The following SMCHD1 variants were observed in gnomAD, a reference collection of about 807,000 sequenced individuals.
The protein encoded by SMCHD1 is structural maintenance of chromosomes flexible hinge domain containing 1.
SMCHD1 carries 78 observed loss-of-function variants against 254.7 expected under a neutral mutation model. The ratio of observed to expected loss-of-function variants is 0.31; its 90% CI spans 0.26 to 0.37. The LOEUF (loss-of-function observed/expected upper bound fraction) is 0.37, where lower values mean the gene tolerates loss of function less well. Ranked by LOEUF, SMCHD1 falls within the 10% of genes least tolerant of loss-of-function variation. The probability of loss-of-function intolerance (pLI) is 1.00; values close to 1 mark genes in which losing one functional copy is unlikely to be tolerated. For missense variants in SMCHD1, 1,840 were observed against 2,408.1 expected (o/e 0.76, Z 4.94); for synonymous variants, 766 against 794.9 (o/e 0.96, Z 0.61).
At chr18:2,779,573 G>A (rs1410784749) in intron 44 of SMCHD1, among the ~76,000 whole-genome samples, 4 of 152,178 alleles carry the variant, frequency 2.6e-5, no homozygotes, top group Non-Finnish European at 4.4e-5. Flanking sequence ...TGTAAATAGT[G>A]TATTCTAGAA....
chr18:2,777,070 C>T (rs377296359), intron 42 of SMCHD1, among the ~76,000 whole-genome samples: 1 of 148,964 alleles, frequency 6.7e-6, no homozygotes, highest in Non-Finnish European at 1.5e-5. Flanking sequence ...CCTCCCCCCC[C>T]CATACCCTAA....
chr18:2,720,752 T>C (rs1312843811), intron 19 of SMCHD1, among the ~76,000 whole-genome samples: 1 of 152,172 alleles, frequency 6.6e-6, no homozygotes, highest in Admixed American at 6.5e-5. Flanking sequence ...ATAAACACTT[T>C]CCTATTTTCA....
rs748973939 is a variant in SMCHD1, at chr18:2,697,016, T to C, written c.1041-16T>C. The C allele has an allele frequency of 2.8e-6, 3 of 1,088,344 alleles. No homozygotes were observed. The highest frequency in any genetic ancestry group is 6.2e-5 in the Admixed American group (2 of 32,018). 67.4% of individuals were successfully genotyped at this position (1,088,344 alleles called of 1,614,324 possible). A position where few individuals can be genotyped will look rare whatever the true frequency, so the allele number is the denominator to read the frequency against. ...TATGTGAATTAAAAGTATAAAATTA[T>C]TCTTCTCTATTTTAGGCATATTTAT... On this transcript the variant is annotated splice_polypyrimidine_tract_variant and intron_variant, in intron 8 of 47. Coordinates refer to ENST00000320876, the MANE Select transcript of SMCHD1 (RefSeq NM_015295.3).
intron 1 of SMCHD1, among the ~76,000 whole-genome samples, chr18:2,663,859 C>T (rs887489904): frequency 5.3e-5 from 8 of 152,004 alleles, no homozygotes; most frequent in Non-Finnish European, 7.4e-5. Flanking sequence ...GGACTACAGG[C>T]GCCTGCCACC....
At chr18:2,796,581 T>G (rs574475528) in intron 47 of SMCHD1, 60 bp downstream of exon 47, 1 of 1,110,786 alleles carries the variant, frequency 9.0e-7, no homozygotes, top group Non-Finnish European at 1.3e-6. Flanking sequence ...TTGGGTCTCA[T>G]GATAGCTTTG....
rs537743381 is a variant in SMCHD1, at chr18:2,799,501, C to T, written c.5993+2980C>T. On this transcript the variant is annotated intron_variant, in intron 47 of 47. Transcript: ENST00000320876. ...ATTTTTAGTTACTCTATTGTTGCCT[C>T]CACTTTTAAAAGTTACATTATTATG... is the stretch of plus-strand genomic sequence containing the variant. Among the ~76,000 whole-genome samples the T allele has an allele frequency of 8.1e-4, 123 of 152,266 alleles. 1 individual carries two copies. Among genetic ancestry groups the T allele is most frequent in the African/African-American group, 2.4e-3 (101 of 41,556 alleles).
At chr18:2,739,026 C>G (rs1023730368) in intron 26 of SMCHD1, among the ~76,000 whole-genome samples, 4 of 152,182 alleles carry the variant, frequency 2.6e-5, no homozygotes, top group Non-Finnish European at 5.9e-5. Context: ...ACCTCTTGCA[C>G]TTTAATTCCT....
chr18:2,754,813 T>C (rs1262976644), intron 34 of SMCHD1, among the ~76,000 whole-genome samples: 2 of 144,698 alleles, frequency 1.4e-5, no homozygotes, highest in South Asian at 2.3e-4. Context: ...TATACAGTTA[T>C]ACGTGGAATT....
chr18:2,765,482 T>C (rs1002913188), intron 37 of SMCHD1, among the ~76,000 whole-genome samples: 1 of 152,236 alleles, frequency 6.6e-6, no homozygotes, highest in African/African-American at 2.4e-5. Flanking sequence ...CAGCTGTACC[T>C]GGCCTGAAGA....
intron 34 of SMCHD1, among the ~76,000 whole-genome samples, chr18:2,760,133 G>A (rs1018895136): frequency 1.3e-5 from 2 of 152,110 alleles, no homozygotes; most frequent in Non-Finnish European, 2.9e-5. Context: ...GTGGTAAAGC[G>A]TGACCAAAAA....
In SMCHD1 at chr18:2,708,467, G is replaced by A. The variant is rs996261469; in HGVS notation, c.2260+547G>A. 2.0e-5 allele frequency among the ~76,000 whole-genome samples: 3 copies of A among 152,030 alleles called. No individual in the cohort carries two copies. In the East Asian group the frequency reaches 5.8e-4, roughly 29 times the overall value. ...AATTGCTTGAGCCCAGGAGTTCGAG[G>A]CTACAGTGAGCTATGATCACGCCAC... On this transcript the variant is annotated intron_variant, in intron 17 of 47. Transcript: ENST00000320876.
In SMCHD1 at chr18:2,718,842, C is replaced by T. The variant is rs539144587; in HGVS notation, c.2458+408C>T. Among the ~76,000 whole-genome samples, 4 of 152,220 alleles carry T rather than the reference C, an allele frequency of 2.6e-5. No homozygotes were observed. Among genetic ancestry groups the T allele is most frequent in the East Asian group, 1.9e-4 (1 of 5,192 alleles). On this transcript the variant is annotated intron_variant, in intron 19 of 47. Transcript: ENST00000320876. This position sits in a 1 kb window ranked among gnomAD's most constrained non-coding sequence, Gnocchi z 4.6. ...TGCTGGGATTACAGATGTGAGCCAC[C>T]GTGCCCGGCCCATTTTGATTTTCAA...
At chr18:2,801,070 A>C (rs2076352845) in intron 47 of SMCHD1, 1 of 152,190 alleles carries the variant, frequency 6.6e-6, no homozygotes, top group Non-Finnish European at 1.5e-5. Flanking sequence ...ACAAAAAGAG[A>C]TAGAAGACAT....
At chr18:2,784,721 A>G in intron 45 of SMCHD1, 100 bp downstream of exon 45, 2 of 1,282,518 alleles carry the variant, frequency 1.6e-6, no homozygotes, top group South Asian at 1.4e-5. Flanking sequence ...AAATTAACAA[A>G]TGTAAGTAAG....
At chr18:2,781,227 T>G (rs562052824) in intron 44 of SMCHD1, among the ~76,000 whole-genome samples, 26 of 152,344 alleles carry the variant, frequency 1.7e-4, no homozygotes, top group Admixed American at 3.3e-4. Context: ...CTCCAGCTGC[T>G]TCAGGGAACT....
intron 20 of SMCHD1, among the ~76,000 whole-genome samples, chr18:2,723,387 A>AAAT (rs2074966021): frequency 1.3e-5 from 2 of 151,866 alleles, no homozygotes; most frequent in Admixed American, 6.6e-5. Flanking sequence ...AATGAGTAGG[A>AAAT]GACTGGAATG....
intron 19 of SMCHD1, among the ~76,000 whole-genome samples, chr18:2,721,951 A>G (rs1224190779): frequency 6.6e-6 from 1 of 152,148 alleles, no homozygotes; most frequent in Non-Finnish European, 1.5e-5. Context: ...TAGAATTTGC[A>G]TTTCTAATAA....
intron 47 of SMCHD1, among the ~76,000 whole-genome samples, chr18:2,798,515 A>G (rs747536018): frequency 1.7e-4 from 26 of 152,222 alleles, no homozygotes; most frequent in Non-Finnish European, 3.1e-4. Flanking sequence ...TTATGTATTT[A>G]TATAGAAAAG....
chr18:2,773,274 A>G (rs2076013382), intron 41 of SMCHD1, among the ~76,000 whole-genome samples: 1 of 152,224 alleles, frequency 6.6e-6, no homozygotes. Context: ...TTAAAATATT[A>G]TTCCAATTTT....
Sources: allele counts gnomAD v4.1 joint callset (sites outside exome capture counted in the v4.1 genomes callset), GRCh38; gene constraint gnomAD v4.1.1; non-coding constraint Gnocchi (gnomAD v3.1); transcripts MANE v1.5; gene names NCBI Gene and HGNC (gene_info 2026-07-23, HGNC 2026-07-21).